XXYLT1: variants seen among roughly 807,000 people sequenced by gnomAD.
XXYLT1 encodes UDP-xylose:alpha-xyloside alpha-1,3-xylosyltransferase.
Under a neutral mutation model 28.9 loss-of-function variants are expected in XXYLT1, and 20 were observed. The observed-to-expected ratio is 0.69, with a 90% CI of 0.49 to 1.00. The LOEUF is 1.00. Among genes scored for constraint, XXYLT1 ranks in the 50% least tolerant of loss-of-function variants. The probability of loss-of-function intolerance (pLI) is 0.00; values close to 1 mark genes in which losing one functional copy is unlikely to be tolerated. For synonymous variants in XXYLT1, 257 were observed against 253.8 expected (o/e 1.01, Z -0.12); for missense variants, 542 against 560.1 (o/e 0.97, Z 0.33).
intron 3 of XXYLT1, among the ~76,000 whole-genome samples, chr3:195,123,985 C>T (rs138354169): frequency 5.3e-5 from 8 of 152,218 alleles, no homozygotes; most frequent in South Asian, 2.1e-4. Flanking sequence ...AAAAAGCTAA[C>T]GCTCAACAAA....
intron 3 of XXYLT1, among the ~76,000 whole-genome samples, chr3:195,141,773 C>T (rs1367023904): frequency 1.3e-5 from 2 of 152,230 alleles, no homozygotes; most frequent in African/African-American, 2.4e-5. Context: ...CCAATGGCCA[C>T]CTGTGTAAAG....
rs1341987897 is a variant in XXYLT1, at chr3:195,069,627, C to T, written c.*88G>A. ...GGACTTCCCTGCGGTGTCTCTCTAGCGGGTCAGACACTGCCCTTGGGTCTG... is the reference window on the plus strand; with the variant it reads ...GGACTTCCCTGCGGTGTCTCTCTAGTGGGTCAGACACTGCCCTTGGGTCTG... On this transcript the variant is annotated 3_prime_UTR_variant, in exon 4 of 4. Coordinates refer to ENST00000310380, the MANE Select transcript of XXYLT1 (RefSeq NM_152531.5). The T allele has an allele frequency of 8.4e-5, 126 of 1,493,808 alleles. No homozygotes were observed. Among genetic ancestry groups the T allele is most frequent in the South Asian group, 1.7e-4 (13 of 76,274 alleles). The allele number at this position is 1,493,808 out of a possible 1,614,324, so 92.5% of individuals were successfully genotyped here.
intron 2 of XXYLT1, among the ~76,000 whole-genome samples, chr3:195,178,001 A>C (rs2108730838): frequency 6.6e-6 from 1 of 152,062 alleles, no homozygotes; most frequent in African/African-American, 2.4e-5. Context: ...TATCAGTTAC[A>C]AGGGTATATA....
chr3:195,132,460 C>T (rs544023482), intron 3 of XXYLT1, among the ~76,000 whole-genome samples: 2 of 150,298 alleles, frequency 1.3e-5, no homozygotes, highest in African/African-American at 2.4e-5. Context: ...GACTGAGACT[C>T]GGTCTCCAAA....
At chr3:195,145,483 T>G (rs9818725) in intron 3 of XXYLT1, among the ~76,000 whole-genome samples, 5 of 134,038 alleles carry the variant, frequency 3.7e-5, no homozygotes, top group Admixed American at 3.0e-4. Context: ...GCCACATGAA[T>G]GGGCACCTCA....
In XXYLT1 at chr3:195,250,225, C is replaced by G. The variant is rs117747047; in HGVS notation, c.504+20330G>C. ...GCTCCTTCTTTCCTTCAGGTCTTCA[C>G]TCAATGTCACCTTTTAGTGACAGCT... On this transcript the variant is annotated intron_variant, in intron 1 of 3. Transcript: ENST00000310380. 5.4e-4 allele frequency among the ~76,000 whole-genome samples: 83 copies of G among 152,322 alleles called. 1 individual carries two copies. In the East Asian group the frequency reaches 0.011, roughly 19 times the overall value.
chr3:195,138,361 G>A (rs535488148), intron 3 of XXYLT1, among the ~76,000 whole-genome samples: 1 of 152,278 alleles, frequency 6.6e-6, no homozygotes, highest in African/African-American at 2.4e-5. Flanking sequence ...GGGAGAGGCT[G>A]GGCAATATTT....
chr3:195,207,287 G>A (rs148532718), intron 2 of XXYLT1: 11 of 352,658 alleles, frequency 3.1e-5, no homozygotes, highest in South Asian at 6.3e-5. Flanking sequence ...CACCAGGCCC[G>A]GGAGACTCAG....
At chr3:195,081,916 T>C (rs572705695) in intron 3 of XXYLT1, among the ~76,000 whole-genome samples, 1 of 152,274 alleles carries the variant, frequency 6.6e-6, no homozygotes, top group South Asian at 2.1e-4. Context: ...CCTAAACCTA[T>C]TAAATGGACG....
chr3:195,127,244 A>T (rs1054091026), intron 3 of XXYLT1, among the ~76,000 whole-genome samples: 1 of 152,114 alleles, frequency 6.6e-6, no homozygotes, highest in Non-Finnish European at 1.5e-5. Context: ...CTGGAATCTA[A>T]GTTTGGGGAG....
At chr3:195,123,555 G>A (rs961704910) in intron 3 of XXYLT1, among the ~76,000 whole-genome samples, 1 of 152,196 alleles carries the variant, frequency 6.6e-6, no homozygotes. Context: ...CAAGGCCTGC[G>A]TCTGAAGGAG....
intron 3 of XXYLT1, among the ~76,000 whole-genome samples, chr3:195,110,536 CGTGTGTGTGGT>C (rs200027157): frequency 0.54 from 17,290 of 31,864 alleles, 5,574 homozygotes; most frequent in East Asian, 0.67. Context: ...TGTACGTGTG[CGTGTGTGTGGT>C]GTGTGTGTGG....
intron 1 of XXYLT1, 50 bp from the exon 2 acceptor site, chr3:195,226,906 C>A: frequency 6.3e-7 from 1 of 1,593,168 alleles, no homozygotes; most frequent in Non-Finnish European, 8.5e-7. Flanking sequence ...GTTCTCACTG[C>A]AAGCTCAACA....
intron 1 of XXYLT1, among the ~76,000 whole-genome samples, chr3:195,239,924 G>A (rs1472684112): frequency 2.6e-5 from 4 of 152,134 alleles, no homozygotes; most frequent in Non-Finnish European, 2.9e-5. Flanking sequence ...TCTCAAAGTA[G>A]GGTTCTTCAC....
chr3:195,215,139 C>T (rs1215868546), intron 2 of XXYLT1, among the ~76,000 whole-genome samples: 31 of 151,306 alleles, frequency 2.0e-4, no homozygotes, highest in Admixed American at 1.3e-3. Context: ...TTTGTCACCA[C>T]CAGGCCTGCC....
intron 3 of XXYLT1, among the ~76,000 whole-genome samples, chr3:195,138,643 T>A (rs1397483880): frequency 2.0e-5 from 3 of 151,766 alleles, no homozygotes; most frequent in Non-Finnish European, 4.4e-5. Flanking sequence ...GGGTCACAAG[T>A]GAGGAGTTTG....
At chr3:195,248,812 C>A (rs1361128171) in intron 1 of XXYLT1, among the ~76,000 whole-genome samples, 1 of 152,060 alleles carries the variant, frequency 6.6e-6, no homozygotes, top group Non-Finnish European at 1.5e-5. Context: ...CCCAGCTACT[C>A]GGGAGGCTAA....
chr3:195,191,413 A>T (rs890264029), intron 2 of XXYLT1, among the ~76,000 whole-genome samples: 1 of 152,184 alleles, frequency 6.6e-6, no homozygotes, highest in African/African-American at 2.4e-5. Context: ...TCTTTAAAAA[A>T]TTTTCTTTTC....
At chr3:195,085,627 G>A (rs1715680642) in intron 3 of XXYLT1, among the ~76,000 whole-genome samples, 1 of 152,194 alleles carries the variant, frequency 6.6e-6, no homozygotes, top group Admixed American at 6.5e-5. Context: ...GGCCGCGGTG[G>A]GCAGCCGCGA....
Sources: gnomAD v4.1 joint callset for allele counts (sites outside exome capture counted in the v4.1 genomes callset) on GRCh38, gnomAD v4.1.1 for gene constraint, MANE v1.5 for transcripts, NCBI Gene and HGNC (gene_info 2026-07-23, HGNC 2026-07-21) for gene names.